Variants in NICN1 observed in about 807,000 individuals in gnomAD.
NICN1 encodes nicolin-1.
Under a neutral mutation model 26.3 loss-of-function variants are expected in NICN1, and 18 were observed. The observed-to-expected ratio is 0.68, with a 90% confidence interval of 0.47 to 1.01. The LOEUF is 1.01. Among genes scored for constraint, NICN1 ranks in the 50% least tolerant of loss-of-function variants. The probability of loss-of-function intolerance (pLI) is 0.00; values close to 1 mark genes in which losing one functional copy is unlikely to be tolerated. For synonymous variants in NICN1, 109 were observed against 111.0 expected (o/e 0.98, Z 0.11); for missense variants, 239 against 278.3 (o/e 0.86, Z 1.00).
rs746730300 is a variant in NICN1, at chr3:49,422,547, T to C, written c.*2286A>G. 20 of 1,342,572 alleles carry C rather than the reference T, an allele frequency of 1.5e-5. No individual in the cohort carries two copies. The highest frequency in any genetic ancestry group is 2.0e-5 in the Non-Finnish European group (19 of 955,504). 83.2% of individuals were successfully genotyped at this position (1,342,572 alleles called of 1,614,324 possible). On this transcript the variant is annotated 3_prime_UTR_variant, in exon 6 of 6. Coordinates refer to ENST00000273598, the MANE Select transcript of NICN1 (RefSeq NM_032316.3). ...AGGCCTCTGCTCGGACAGGTCTCTC[T>C]CCGGAGCAAAGGATCTGAAGGGGGC... is the stretch of plus-strand genomic sequence containing the variant.
chr3:49,424,657 TCATGCTGAAGTAACACGGTAAGCC>T lies in NICN1; in HGVS notation c.*152_*175del. ...GACAGAGCACCCCCATGCCAGGAGCTCATGCTGAAGTAACACGGTAAGCCCCTGAGAATCCTGAATCTGTGAATG... is the reference window on the plus strand; with the variant it reads ...GACAGAGCACCCCCATGCCAGGAGCTCCTGAGAATCCTGAATCTGTGAATG... On this transcript the variant is annotated 3_prime_UTR_variant, in exon 6 of 6. Transcript: ENST00000273598. The T allele has an allele frequency of 1.6e-6, 1 of 638,892 alleles. No individual in the cohort carries two copies. Among genetic ancestry groups the T allele is most frequent in the African/African-American group, 1.8e-5 (1 of 54,938 alleles). The allele number at this position is 638,892 out of a possible 1,614,324, so 39.6% of individuals were successfully genotyped here.
rs1013220962 is a variant in NICN1 at position 49,423,742 on chromosome 3, G to A, written c.*1091C>T. 4.6e-5 allele frequency: 7 copies of A among 151,916 alleles called. No homozygotes were observed. The highest frequency in any genetic ancestry group is 8.8e-5 in the Non-Finnish European group (6 of 68,056). 9.4% of individuals were successfully genotyped at this position (151,916 alleles called of 1,614,324 possible). ...TTGCACTCCAGCCTGGGCAACAAGA[G>A]CAAAACTCAACCTCAAAAAAAACAA... On this transcript the variant is annotated 3_prime_UTR_variant, in exon 6 of 6. Coordinates refer to ENST00000273598, the MANE Select transcript of NICN1 (RefSeq NM_032316.3).
At position 49,429,091 on chromosome 3, in the gene NICN1, C is replaced by G. The variant is rs1202455306; in HGVS notation, c.132+17G>C. 3 of 1,567,850 alleles carry G rather than the reference C, an allele frequency of 1.9e-6. No individual in the cohort carries two copies. Among genetic ancestry groups the G allele is most frequent in the Non-Finnish European group, 2.6e-6 (3 of 1,156,540 alleles). ...CCCCGCCCGGGAGCCTCGGTCGCGC[C>G]CACCAGGCTTGCTCACCTCGAAGGG... On this transcript the variant is annotated intron_variant, in intron 1 of 5. Coordinates refer to ENST00000273598, the MANE Select transcript of NICN1 (RefSeq NM_032316.3).
At chr3:49,426,525 TTTTC>T (rs2049171606) in intron 1 of NICN1, 97 bp from the exon 2 acceptor site, 1 of 829,158 alleles carries the variant, frequency 1.2e-6, no homozygotes, top group Non-Finnish European at 1.9e-6. Flanking sequence ...TCTCCCCACC[TTTTC>T]TTTTTTTTTT....
chr3:49,428,998 A>C, intron 1 of NICN1, 110 bp downstream of exon 1: 1 of 1,047,106 alleles, frequency 9.6e-7, no homozygotes. Context: ...TTGCAAGGGC[A>C]AGGAAGACGG....
chr3:49,427,010 A>C (rs1418646840), intron 1 of NICN1, among the ~76,000 whole-genome samples: 1 of 152,140 alleles, frequency 6.6e-6, no homozygotes, highest in Non-Finnish European at 1.5e-5. Flanking sequence ...GGAAGAGTTC[A>C]CCAAGTGGAC....
Position 49,424,582 on chromosome 3 carries a change from G to C in NICN1, c.*251C>G, listed in dbSNP as rs1218577867. Reference sequence around the variant, plus strand: ...TCAGGGATTCTCAGTAAGTACAACTGACTGGAGTGTTTTTGGGTAGAAGGA... The same window carrying C: ...TCAGGGATTCTCAGTAAGTACAACTCACTGGAGTGTTTTTGGGTAGAAGGA... On this transcript the variant is annotated 3_prime_UTR_variant, in exon 6 of 6. Coordinates refer to ENST00000273598, the MANE Select transcript of NICN1 (RefSeq NM_032316.3). 3 of 598,356 alleles carry C rather than the reference G, an allele frequency of 5.0e-6. No individual in the cohort carries two copies. The East Asian group carries it at 8.4e-5, about 17-fold the overall frequency. The allele number at this position is 598,356 out of a possible 1,614,324, so 37.1% of individuals were successfully genotyped here. A position where few individuals can be genotyped will look rare whatever the true frequency, so the allele number is the denominator to read the frequency against.
rs2049159920 is a variant in NICN1, at chr3:49,425,036, G to A, written c.513C>T (p.Ser171=). ...ALLREGLPDP[S]RVSSEVQQMW... is the part of the protein sequence containing the mutation. ...TCTGCTGCACCTCGGAGGATACCCT[G>A]CTGGGGTCTGGGAGACCCTGCTCCA... The change falls in exon 5 of 6, where the codon AGC becomes AGT. Residue 171 remains serine (S), a synonymous_variant. Transcript: ENST00000273598. The A allele has an allele frequency of 1.1e-5, 17 of 1,613,970 alleles. No homozygotes were observed. The highest frequency in any genetic ancestry group is 1.4e-5 in the Non-Finnish European group (17 of 1,179,904).
Position 49,424,961 on chromosome 3 carries a change from G to A in NICN1, c.588C>T (p.Ile196=), listed in dbSNP as rs376611273. ...AGCGATTACTTACATCAAAGCGGCCGATCCTTGCGGAGGTGTGACTGGCCC... is the reference window on the plus strand; with the variant it reads ...AGCGATTACTTACATCAAAGCGGCCAATCCTTGCGGAGGTGTGACTGGCCC... ...MIRASHTSAR[I]GRFDVDGCYD... The change falls in exon 5 of 6, where the codon ATC becomes ATT. Residue 196 remains isoleucine, a synonymous_variant. Transcript: ENST00000273598. The A allele has an allele frequency of 9.0e-5, 146 of 1,614,020 alleles. No homozygotes were observed. The highest frequency in any genetic ancestry group is 7.8e-4 in the East Asian group (35 of 44,868).
intron 1 of NICN1, among the ~76,000 whole-genome samples, chr3:49,427,341 A>T (rs1471988835): frequency 6.7e-6 from 1 of 149,998 alleles, no homozygotes; most frequent in Non-Finnish European, 1.5e-5. Flanking sequence ...AAAAAAAGAG[A>T]TGTAGAAAAC....
At chr3:49,426,502 G>A in intron 1 of NICN1, 74 bp from the exon 2 acceptor site, 1 of 1,102,936 alleles carries the variant, frequency 9.1e-7, no homozygotes, top group Non-Finnish European at 1.3e-6. Context: ...GATCAAAGGT[G>A]CCACCTCTTC....
intron 2 of NICN1, 84 bp from the exon 3 acceptor site, chr3:49,426,080 C>A (rs544004900): frequency 3.5e-6 from 4 of 1,132,554 alleles, no homozygotes; most frequent in Admixed American, 4.1e-5. Context: ...GAATGCTGCC[C>A]ACCCCACAGG....
chr3:49,425,615 G>A (rs922252165), intron 3 of NICN1, among the ~76,000 whole-genome samples, 177 bp from the exon 4 acceptor site: 1 of 152,100 alleles, frequency 6.6e-6, no homozygotes, highest in African/African-American at 2.4e-5. Flanking sequence ...CTCCTGCTGT[G>A]CAGACGGAGT....
At chr3:49,429,058 C>G in intron 1 of NICN1, 50 bp downstream of exon 1, 8 of 1,526,328 alleles carry the variant, frequency 5.2e-6, no homozygotes, top group African/African-American at 1.4e-5. Context: ...ACCGAGATTC[C>G]AGGTCGGCCC....
Position 49,426,424 on chromosome 3 carries a change from T to A in NICN1, c.137A>T (p.Gln46Leu). 6.2e-7 allele frequency: 1 copy of A among 1,613,876 alleles called. No individual in the cohort carries two copies. The highest frequency in any genetic ancestry group is 8.5e-7 in the Non-Finnish European group (1 of 1,179,846). Reference sequence around the variant, plus strand: ...GTAGTAATTCTTAAACGTGATTTCCTGCAACTAGAACACATACAACCCATT... The same window carrying A: ...GTAGTAATTCTTAAACGTGATTTCCAGCAACTAGAACACATACAACCCATT... ...TFPSVAPFEL[Q>L]EITFKNYYTA... The change falls in exon 2 of 6, where the codon CAG becomes CTG. Residue 46 changes from glutamine (Q) to leucine (L), a missense_variant. Coordinates refer to ENST00000273598, the MANE Select transcript of NICN1 (RefSeq NM_032316.3).
In NICN1 at chr3:49,424,511, G is replaced by C. The variant is rs2049154664; in HGVS notation, c.*322C>G. On this transcript the variant is annotated 3_prime_UTR_variant, in exon 6 of 6. Transcript: ENST00000273598. The stretch of plus-strand genomic sequence containing the variant: ...CCAACTGCACTGACATGAGGGAGCA[G>C]GCAGAAGACAGGAATGTGCATGTTG... The C allele has an allele frequency of 1.9e-6, 1 of 514,004 alleles. No individual in the cohort carries two copies. Among genetic ancestry groups the C allele is most frequent in the Admixed American group, 3.3e-5 (1 of 30,626 alleles). The allele number at this position is 514,004 out of a possible 1,614,324, so 31.8% of individuals were successfully genotyped here.
At chr3:49,425,113 C>A in intron 4 of NICN1, 60 bp from the exon 5 acceptor site, 2 of 1,407,018 alleles carry the variant, frequency 1.4e-6, no homozygotes, top group South Asian at 2.3e-5. Flanking sequence ...CCTTCAGGCT[C>A]CAGAGAGGCC....
chr3:49,426,415 G>C lies in NICN1; in HGVS notation c.146C>G (p.Thr49Arg), dbSNP rs759726662. Residue 49 changes from threonine (T) to arginine (R), a missense_variant, in exon 2 of 6, where the codon ACG (threonine) becomes AGG (arginine). Coordinates refer to ENST00000273598, the MANE Select transcript of NICN1 (RefSeq NM_032316.3). ...AAAAGCTGTGTAGTAATTCTTAAAC[G>C]TGATTTCCTGCAACTAGAACACATA... is the stretch of plus-strand genomic sequence containing the variant. ...SVAPFELQEI[T>R]FKNYYTAFLS... The C allele has an allele frequency of 6.2e-7, 1 of 1,613,974 alleles. No individual in the cohort carries two copies. The highest frequency in any genetic ancestry group is 8.5e-7 in the Non-Finnish European group (1 of 1,179,908).
intron 3 of NICN1, 89 bp from the exon 4 acceptor site, chr3:49,425,527 C>T (rs957748012): frequency 2.8e-6 from 3 of 1,090,464 alleles, no homozygotes; most frequent in Non-Finnish European, 2.6e-6. Flanking sequence ...AGAGAAGGGC[C>T]GCTGGGCCTC....
Sources: gnomAD v4.1 joint callset for allele counts (sites outside exome capture counted in the v4.1 genomes callset) on GRCh38, gnomAD v4.1.1 for gene constraint, MANE v1.5 for transcripts, NCBI Gene and HGNC (gene_info 2026-07-23, HGNC 2026-07-21) for gene names.